Variants in DDX60L observed in about 807,000 individuals in gnomAD.
The protein encoded by DDX60L is probable ATP-dependent RNA helicase DDX60-like.
In DDX60L, 191 loss-of-function variants were observed where a neutral mutation model predicts 211.6. The ratio of observed to expected loss-of-function variants is 0.90; its 90% CI spans 0.80 to 1.02. DDX60L has a LOEUF of 1.02. Ranked by LOEUF, DDX60L falls within the 50% of genes least tolerant of loss-of-function variation. The pLI, the probability that DDX60L is intolerant of heterozygous loss-of-function variation, is 0.00. For missense variants in DDX60L, 2,007 were observed against 1,984.1 expected, an observed-to-expected ratio of 1.01 and a Z score of -0.22; for synonymous variants, 706 against 694.1, an observed-to-expected ratio of 1.02 and a Z score of -0.27.
At chr4:168,388,418 T>C (rs1278313200) in intron 29 of DDX60L, among the ~76,000 whole-genome samples, 1 of 152,104 alleles carries the variant, frequency 6.6e-6, no homozygotes, top group Admixed American at 6.5e-5. Context: ...GAAATAAATA[T>C]ATATATTTTT....
chr4:168,358,142 T>C lies in DDX60L; in HGVS notation c.*5A>G, dbSNP rs1190686357. The C allele has an allele frequency of 5.0e-6, 8 of 1,607,290 alleles. No homozygotes were observed. The East Asian group carries it at 1.3e-4, about 27-fold the overall frequency. On this transcript the variant is annotated 3_prime_UTR_variant, in exon 38 of 38. Transcript: ENST00000682922. ...CATAATCAGACTTGAAAGTTTTCCA[T>C]GGTGTTATTCTAAATGATTTTGACT... is the stretch of plus-strand genomic sequence containing the variant.
Position 168,362,754 on chromosome 4 carries a change from T to C in DDX60L, c.4929-1543A>G, listed in dbSNP as rs201262974. Among the ~76,000 whole-genome samples the C allele has an allele frequency of 5.3e-5, 8 of 152,220 alleles. No individual in the cohort carries two copies. In the East Asian group the frequency reaches 1.2e-3, roughly 22 times the overall value. On this transcript the variant is annotated intron_variant, in intron 36 of 37. Coordinates refer to ENST00000682922, the MANE Select transcript of DDX60L (RefSeq NM_001012967.3). ...AATAATTTCTGAATTTGAAGACTGG[T>C]CTTTTGAAATAACCAGTCAAAGAGG...
intron 22 of DDX60L, among the ~76,000 whole-genome samples, chr4:168,410,790 T>C (rs1748546387): frequency 6.6e-6 from 1 of 152,184 alleles, no homozygotes; most frequent in South Asian, 2.1e-4. Context: ...CCGATTTTTA[T>C]GTTGGTAGGA....
Position 168,415,679 on chromosome 4 carries a change from AT to A in DDX60L, c.2846del (p.Asn949IlefsTer18). 6.3e-7 allele frequency: 1 copy of A among 1,594,552 alleles called. No homozygotes were observed. The highest frequency in any genetic ancestry group is 8.5e-7 in the Non-Finnish European group (1 of 1,170,158). On this transcript the variant is annotated frameshift_variant, in exon 21 of 38. Transcript: ENST00000682922. LOFTEE classifies it high-confidence loss of function. Reference sequence around the variant, plus strand: ...TACCAAGTCTAACTTCATATGATTGATTTTTATATGAATGGTCTTGGAGAAA... The same window carrying A: ...TACCAAGTCTAACTTCATATGATTGATTTTATATGAATGGTCTTGGAGAAA... ...LNFLQDHSYK[N>X]QSYEVRLVLC... is the part of the protein sequence containing the mutation.
chr4:168,472,399 G>C (rs1758909181), intron 3 of DDX60L, 56 bp downstream of exon 3: 1 of 1,310,312 alleles, frequency 7.6e-7, no homozygotes, highest in Admixed American at 2.1e-5. Flanking sequence ...AGAGGGATGT[G>C]GAAACACAGA....
Position 168,472,774 on chromosome 4 carries a change from C to G in DDX60L, c.-75G>C, listed in dbSNP as rs1758975161. On this transcript the variant is annotated 5_prime_UTR_variant, in exon 2 of 38. Transcript: ENST00000682922. Reference sequence around the variant, plus strand: ...TAAATATGGCTGATTTATTTTGACACCTCTAAAATGGCTACATTTGATGTG... The same window carrying G: ...TAAATATGGCTGATTTATTTTGACAGCTCTAAAATGGCTACATTTGATGTG... The G allele has an allele frequency of 6.5e-7, 1 of 1,529,906 alleles. No homozygotes were observed. The highest frequency in any genetic ancestry group is 1.8e-5 in the Admixed American group (1 of 54,634). 94.8% of individuals were successfully genotyped at this position (1,529,906 alleles called of 1,614,324 possible). A position where few individuals can be genotyped will look rare whatever the true frequency, so the allele number is the denominator to read the frequency against.
intron 4 of DDX60L, among the ~76,000 whole-genome samples, chr4:168,465,407 G>C (rs1757859000): frequency 6.6e-6 from 1 of 151,904 alleles, no homozygotes; most frequent in African/African-American, 2.4e-5. Flanking sequence ...ATTCCTTGTA[G>C]GATAAATACT....
Position 168,416,737 on chromosome 4 carries a change from G to A in DDX60L, c.2671C>T (p.Arg891Ter), listed in dbSNP as rs1353725062. The A allele has an allele frequency of 2.5e-6, 4 of 1,608,302 alleles. No homozygotes were observed. The highest frequency in any genetic ancestry group is 2.7e-5 in the African/African-American group (2 of 74,684). The change falls in exon 20 of 38, where the codon CGA becomes TGA. Residue 891 changes from arginine (R) to a stop codon, truncating the protein, a stop_gained. Coordinates refer to ENST00000682922, the MANE Select transcript of DDX60L (RefSeq NM_001012967.3). LOFTEE classifies it high-confidence loss of function. ...GCTGAAAGAACCAAAAAGGGACATC[G>A]AATAATGACAAGGAGGAGCTCCCAA... ...KFWELLLVII[R>*]CPFLVLSATI...
chr4:168,374,688 T>A (rs995257922), intron 34 of DDX60L, among the ~76,000 whole-genome samples: 12 of 152,250 alleles, frequency 7.9e-5, no homozygotes, highest in Non-Finnish European at 1.6e-4. Context: ...TCAATTGTTT[T>A]ATTTTTAATC....
intron 33 of DDX60L, among the ~76,000 whole-genome samples, chr4:168,377,162 G>A (rs1742104866): frequency 6.6e-6 from 1 of 151,998 alleles, no homozygotes; most frequent in African/African-American, 2.4e-5. Context: ...GCGTGGTGGC[G>A]AAGCCTGTAA....
At chr4:168,364,028 G>A (rs866196154) in intron 36 of DDX60L, among the ~76,000 whole-genome samples, 2 of 152,178 alleles carry the variant, frequency 1.3e-5, no homozygotes, top group South Asian at 4.1e-4. Flanking sequence ...GCTGAGCTGG[G>A]AGGACTGAAT....
At chr4:168,387,772 G>A (rs957046202) in intron 29 of DDX60L, among the ~76,000 whole-genome samples, 1 of 152,162 alleles carries the variant, frequency 6.6e-6, no homozygotes, top group Non-Finnish European at 1.5e-5. Flanking sequence ...ACTCCGGAGT[G>A]AAAAAGTGGG....
chr4:168,391,658 A>G lies in DDX60L; in HGVS notation c.3811-14T>C, dbSNP rs765926297. 4 of 1,441,796 alleles carry G rather than the reference A, an allele frequency of 2.8e-6. No individual in the cohort carries two copies. The South Asian group carries it at 5.1e-5, about 19-fold the overall frequency. The allele number at this position is 1,441,796 out of a possible 1,614,324, so 89.3% of individuals were successfully genotyped here. ...AGCTGTCACTACCTAGGAAAAAAAA[A>G]AAAAAACAGTCAATACACAATATAG... On this transcript the variant is annotated splice_polypyrimidine_tract_variant and intron_variant, in intron 28 of 37. Coordinates refer to ENST00000682922, the MANE Select transcript of DDX60L (RefSeq NM_001012967.3).
chr4:168,438,396 C>G (rs1472811151), intron 10 of DDX60L, among the ~76,000 whole-genome samples: 1 of 152,176 alleles, frequency 6.6e-6, no homozygotes, highest in Non-Finnish European at 1.5e-5. Flanking sequence ...CTCAAGACTT[C>G]TTGGGATTGT....
intron 10 of DDX60L, among the ~76,000 whole-genome samples, chr4:168,435,376 T>A (rs1263628361): frequency 6.6e-6 from 1 of 152,210 alleles, no homozygotes. Flanking sequence ...CAGAGATTAA[T>A]GCCACTATTA....
chr4:168,386,505 A>G (rs1482301538), intron 29 of DDX60L, among the ~76,000 whole-genome samples: 1 of 152,026 alleles, frequency 6.6e-6, no homozygotes, highest in Non-Finnish European at 1.5e-5. Flanking sequence ...CGGTCTTCAT[A>G]ATAATCCAGT....
chr4:168,391,368 T>G (rs1450099753), intron 29 of DDX60L, among the ~76,000 whole-genome samples, 172 bp downstream of exon 29: 1 of 152,046 alleles, frequency 6.6e-6, no homozygotes, highest in African/African-American at 2.4e-5. Flanking sequence ...AACAGATAGA[T>G]CACACAAAAT....
At chr4:168,462,337 A>T (rs998672240) in intron 4 of DDX60L, among the ~76,000 whole-genome samples, 7 of 152,208 alleles carry the variant, frequency 4.6e-5, no homozygotes, top group African/African-American at 1.4e-4. Flanking sequence ...ATTTCATCTG[A>T]ATTGAGAAGC....
chr4:168,421,395 C>A (rs1016485641), intron 17 of DDX60L, among the ~76,000 whole-genome samples: 5 of 152,164 alleles, frequency 3.3e-5, no homozygotes, highest in Non-Finnish European at 5.9e-5. Flanking sequence ...CACGGTGGCT[C>A]ACGCCTGTAA....
Sources: gnomAD v4.1 joint callset for allele counts (sites outside exome capture counted in the v4.1 genomes callset) on GRCh38, gnomAD v4.1.1 for gene constraint, MANE v1.5 for transcripts, NCBI Gene and HGNC (gene_info 2026-07-23, HGNC 2026-07-21) for gene names.